PDE1C: variants seen among roughly 807,000 people sequenced by gnomAD.
PDE1C encodes the protein phosphodiesterase 1C.
Under a neutral mutation model 93.1 loss-of-function variants are expected in PDE1C, and 62 were observed. The ratio of observed to expected loss-of-function variants is 0.67; its 90% CI spans 0.54 to 0.82. The LOEUF (loss-of-function observed/expected upper bound fraction) is 0.82. Among genes scored for constraint, PDE1C ranks in the 40% least tolerant of loss-of-function variants. The pLI, the probability that PDE1C is intolerant of heterozygous loss-of-function variation, is 0.00. For missense variants in PDE1C, 742 were observed against 884.6 expected, an observed-to-expected ratio of 0.84 and a Z score of 2.04; for synonymous variants, 325 against 310.1, an observed-to-expected ratio of 1.05 and a Z score of -0.50.
intron 3 of PDE1C, among the ~76,000 whole-genome samples, chr7:32,076,776 T>C (rs1409697886): frequency 1.3e-5 from 2 of 152,028 alleles, no homozygotes; most frequent in Non-Finnish European, 2.9e-5. Context: ...CTGCTATGCC[T>C]GAAGCCAGAA....
At chr7:31,746,514 G>GA, downstream of PDE1C, among the ~76,000 whole-genome samples, 1 of 152,198 alleles carries the variant, frequency 6.6e-6, no homozygotes, top group African/African-American at 2.4e-5. Flanking sequence ...CATAGATTCA[G>GA]AAAGTTCAAG....
chr7:31,808,984 T>G (rs774382068), intron 16 of PDE1C, 47 bp downstream of exon 16: 1 of 1,117,540 alleles, frequency 8.9e-7, no homozygotes, highest in Admixed American at 1.7e-5. Flanking sequence ...AAGCTTACAT[T>G]AAACTGCACA....
At chr7:32,278,974 A>G (rs1811459275) in intron 1 of PDE1C, among the ~76,000 whole-genome samples, 1 of 152,238 alleles carries the variant, frequency 6.6e-6, no homozygotes, top group South Asian at 2.1e-4. Flanking sequence ...TAGTGGTGGG[A>G]GTGGCACAAT....
chr7:32,193,267 T>C (rs1441775815), intron 2 of PDE1C, among the ~76,000 whole-genome samples: 1 of 152,216 alleles, frequency 6.6e-6, no homozygotes, highest in African/African-American at 2.4e-5. Context: ...TGCCCTTAAA[T>C]ATAAAGTTAG....
At chr7:32,159,483 A>C (rs1467733401) in intron 3 of PDE1C, among the ~76,000 whole-genome samples, 4 of 152,126 alleles carry the variant, frequency 2.6e-5, no homozygotes, top group Non-Finnish European at 5.9e-5. Flanking sequence ...TGCAACAAAC[A>C]AATGCAGTTA....
intron 16 of PDE1C, chr7:31,785,726 G>A (rs1332847224): frequency 6.6e-6 from 1 of 151,986 alleles, no homozygotes; most frequent in East Asian, 1.9e-4. Flanking sequence ...CTGGGAACAT[G>A]TTCATGATCA....
chr7:31,863,904 G>A (rs1055766750), intron 7 of PDE1C, among the ~76,000 whole-genome samples: 1 of 152,078 alleles, frequency 6.6e-6, no homozygotes, highest in Non-Finnish European at 1.5e-5. Flanking sequence ...TAGCTCCAAA[G>A]CCCACAATCC....
chr7:32,341,131 C>T (rs553062751), intron 1 of PDE1C, among the ~76,000 whole-genome samples: 1 of 147,072 alleles, frequency 6.8e-6, no homozygotes, highest in African/African-American at 2.5e-5. Context: ...GTACTTTCTA[C>T]TCAATTTTGC....
In PDE1C at chr7:31,923,789, C is replaced by A. The variant is rs977806373; in HGVS notation, c.129-42929G>T. ...AGGAGTTTGAGACCACCCTGGGCAA[C>A]AAAGTGAGACCTGATTTCTAAATTA... On this transcript the variant is annotated intron_variant, in intron 2 of 17. Coordinates refer to ENST00000396191, the MANE Select transcript of PDE1C (RefSeq NM_001191057.4). Among the ~76,000 whole-genome samples the A allele has an allele frequency of 7.2e-5, 11 of 152,138 alleles. No homozygotes were observed. In the South Asian group the frequency reaches 2.1e-3, roughly 29 times the overall value.
chr7:32,248,174 C>T (rs901948261), intron 1 of PDE1C, among the ~76,000 whole-genome samples: 2 of 152,056 alleles, frequency 1.3e-5, no homozygotes, highest in Non-Finnish European at 2.9e-5. Flanking sequence ...CCCTGTGGGG[C>T]ATCTAAGTAG....
At chr7:31,957,216 T>C (rs1808266695) in intron 2 of PDE1C, among the ~76,000 whole-genome samples, 1 of 150,574 alleles carries the variant, frequency 6.6e-6, no homozygotes, top group South Asian at 2.1e-4. Flanking sequence ...GTAAAGAAGG[T>C]TTATGCAACC....
chr7:31,833,725 T>C (rs749989706), intron 11 of PDE1C, among the ~76,000 whole-genome samples: 1 of 152,174 alleles, frequency 6.6e-6, no homozygotes, highest in Non-Finnish European at 1.5e-5. Context: ...CAGGAAAACA[T>C]TCAAGAGGTA....
chr7:31,882,214 A>C (rs1797340816), intron 2 of PDE1C, among the ~76,000 whole-genome samples: 1 of 152,198 alleles, frequency 6.6e-6, no homozygotes, highest in African/African-American at 2.4e-5. Flanking sequence ...ACGAATCTGC[A>C]ATATATCAAA....
chr7:32,287,226 A>G (rs1812053200), intron 1 of PDE1C, among the ~76,000 whole-genome samples: 1 of 152,200 alleles, frequency 6.6e-6, no homozygotes, highest in African/African-American at 2.4e-5. Context: ...CTCTTGGAGA[A>G]AAAAACCAAA....
chr7:32,369,682 T>C (rs930866397), intron 1 of PDE1C, among the ~76,000 whole-genome samples: 30 of 152,224 alleles, frequency 2.0e-4, no homozygotes, highest in Admixed American at 1.5e-3. Flanking sequence ...GAGACTTCTG[T>C]GCCCCCATGT....
chr7:32,291,936 C>T (rs188643064), intron 1 of PDE1C, among the ~76,000 whole-genome samples: 2 of 152,168 alleles, frequency 1.3e-5, no homozygotes, highest in Non-Finnish European at 2.9e-5. Flanking sequence ...AGGTGCTAAC[C>T]CCATCTCTGA....
At chr7:32,298,941 C>T (rs1812801841) in exon 1 of PDE1C, 4 of 1,331,456 alleles carry the variant, frequency 3.0e-6, no homozygotes, top group African/African-American at 1.6e-5. Context: ...GCTAGGAGCT[C>T]GGCGGAGGCA....
intron 1 of PDE1C, among the ~76,000 whole-genome samples, chr7:32,280,918 G>C (rs1811588174): frequency 6.6e-6 from 1 of 152,166 alleles, no homozygotes; most frequent in Admixed American, 6.5e-5. Flanking sequence ...CAAGAAGTTT[G>C]AGGCTACCGT....
intron 3 of PDE1C, among the ~76,000 whole-genome samples, chr7:32,117,055 A>T (rs1020683407): frequency 2.6e-5 from 4 of 152,244 alleles, no homozygotes; most frequent in Admixed American, 6.5e-5. Context: ...TCCTCAGAGT[A>T]AATAGATGCA....
Sources: allele counts gnomAD v4.1 joint callset (sites outside exome capture counted in the v4.1 genomes callset), GRCh38; gene constraint gnomAD v4.1.1; transcripts MANE v1.5; gene names NCBI Gene and HGNC (gene_info 2026-07-23, HGNC 2026-07-21).